PTPRB: variants seen among roughly 807,000 people sequenced by gnomAD.
PTPRB encodes protein tyrosine phosphatase receptor type B.
PTPRB carries 97 observed loss-of-function variants against 238.1 expected under a neutral mutation model. That is an observed-to-expected ratio of 0.41 (90% confidence interval 0.35 to 0.48). PTPRB has a LOEUF of 0.48. PTPRB is among the 20% of genes least tolerant of loss of function. PTPRB has a pLI of 0.30. For synonymous variants in PTPRB, 970 were observed against 995.4 expected (o/e 0.97, Z 0.48); for missense variants, 2,292 against 2,681.9 (o/e 0.85, Z 3.21).
chr12:70,550,664 A>G (rs12311385), intron 21 of PTPRB, among the ~76,000 whole-genome samples: 2,080 of 152,260 alleles, frequency 0.014, 46 homozygotes, highest in African/African-American at 0.048. Context: ...CGCAGTTACT[A>G]TGGGTGCTGG....
At position 70,560,681 on chromosome 12, in the gene PTPRB, C is replaced by G; in HGVS notation, c.4422G>C (p.Glu1474Asp). ...ACCTGGGCTTCTCACCTGTTCTGCT[C>G]TCCGCTGTGACTTTATTGCTGAGAT... is the stretch of plus-strand genomic sequence containing the variant. ...SGDLSNKVTA[E>D]SRTAPSPPSL... Residue 1474 changes from glutamate to aspartate, a missense_variant, in exon 17 of 34, where the codon GAG becomes GAC. By Grantham distance (45) the Glu-to-Asp change is conservative (BLOSUM62 2). This residue lies in a region of PTPRB where 683 missense variants were observed against 862.0 expected (regional missense o/e 0.79). Coordinates refer to ENST00000334414, the MANE Select transcript of PTPRB (RefSeq NM_001109754.4). The surrounding 1 kb of genome is among the most constrained non-coding windows in gnomAD (Gnocchi z 4.2). The G allele has an allele frequency of 6.2e-7, 1 of 1,612,386 alleles. No individual in the cohort carries two copies. Among genetic ancestry groups the G allele is most frequent in the Non-Finnish European group, 8.5e-7 (1 of 1,179,396 alleles).
At chr12:70,586,485 G>A (rs549040612) in intron 9 of PTPRB, among the ~76,000 whole-genome samples, 127 of 152,204 alleles carry the variant, frequency 8.3e-4, no homozygotes, top group African/African-American at 2.7e-3. Context: ...TAATATACCA[G>A]CTGACATTGA....
intron 3 of PTPRB, among the ~76,000 whole-genome samples, chr12:70,614,413 AATGT>A (rs1397537333): frequency 6.6e-6 from 1 of 152,102 alleles, no homozygotes; most frequent in Non-Finnish European, 1.5e-5. Flanking sequence ...ACAATTTTAG[AATGT>A]ATTACTTAAG....
rs751774723 is a variant in PTPRB at position 70,521,006 on chromosome 12, C to T, written c.*483G>A. On this transcript the variant is annotated 3_prime_UTR_variant, in exon 34 of 34. Coordinates refer to ENST00000334414, the MANE Select transcript of PTPRB (RefSeq NM_001109754.4). ...CATTTGTCCTAATAGCAAGTTAGGA[C>T]ATGTCTGTTGGCTCTCGAGATTCAT... 2 of 152,826 alleles carry T rather than the reference C, an allele frequency of 1.3e-5. No homozygotes were observed. Among genetic ancestry groups the T allele is most frequent in the Non-Finnish European group, 2.9e-5 (2 of 68,518 alleles). The allele number at this position is 152,826 out of a possible 1,614,324, so 9.5% of individuals were successfully genotyped here.
intron 32 of PTPRB, among the ~76,000 whole-genome samples, chr12:70,528,631 T>G (rs1872738080): frequency 6.6e-6 from 1 of 152,208 alleles, no homozygotes; most frequent in South Asian, 2.1e-4. Flanking sequence ...CATAGTGAGA[T>G]CTTATCTCCC....
intron 16 of PTPRB, among the ~76,000 whole-genome samples, chr12:70,562,156 T>C (rs1476946443): frequency 6.6e-6 from 1 of 152,078 alleles, no homozygotes; most frequent in Non-Finnish European, 1.5e-5. Context: ...TGGTGTCGTG[T>C]GCCTGTAGTC....
chr12:70,630,412 C>T (rs1885395490), intron 2 of PTPRB, among the ~76,000 whole-genome samples: 1 of 152,142 alleles, frequency 6.6e-6, no homozygotes, highest in Non-Finnish European at 1.5e-5. Flanking sequence ...ATTGATGGAA[C>T]AGATCTCAAA....
Position 70,571,163 on chromosome 12 carries a change from A to G in PTPRB, c.3233T>C (p.Val1078Ala). The change falls in exon 13 of 34, where the codon GTA (valine) becomes GCA (alanine). Residue 1078 changes from valine to alanine, a missense_variant. By Grantham distance (64) the Val-to-Ala change is moderately conservative (BLOSUM62 0). Transcript: ENST00000334414. Reference protein sequence around the residue: ...EIQLLFNDMKVFPPFHLVNTA... With the variant: ...EIQLLFNDMKAFPPFHLVNTA... ...ATTTACAAGGTGAAAAGGAGGAAAT[A>G]CTTTCATGTCATTGAAGAGCAGCTG... 1 of 1,614,020 alleles carries G rather than the reference A, an allele frequency of 6.2e-7. No individual in the cohort carries two copies. Among genetic ancestry groups the G allele is most frequent in the South Asian group, 1.1e-5 (1 of 91,082 alleles).
chr12:70,613,107 G>A (rs1006246474), intron 3 of PTPRB, among the ~76,000 whole-genome samples: 4 of 152,112 alleles, frequency 2.6e-5, no homozygotes, highest in African/African-American at 4.8e-5. Flanking sequence ...TTTGAGAACC[G>A]TTACTTTGGA....
chr12:70,519,487 TG>T lies in PTPRB; in HGVS notation c.*2001del, dbSNP rs1871449141. On this transcript the variant is annotated 3_prime_UTR_variant, in exon 34 of 34. Transcript: ENST00000334414. ...TATGTGAGTAGAAATGTGTAGATTC[TG>T]GAACAGTGCCTAGCAGGTTGCAGAT... 1 of 151,560 alleles carries T rather than the reference TG, an allele frequency of 6.6e-6. No homozygotes were observed. The highest frequency in any genetic ancestry group is 6.6e-5 in the Admixed American group (1 of 15,228). The allele number at this position is 151,560 out of a possible 1,614,324, so 9.4% of individuals were successfully genotyped here.
chr12:70,530,458 C>T (rs1249669069), intron 32 of PTPRB, among the ~76,000 whole-genome samples: 1 of 149,794 alleles, frequency 6.7e-6, no homozygotes, highest in Non-Finnish European at 1.5e-5. Flanking sequence ...CACATATACA[C>T]ATGTACACAT....
chr12:70,577,186 T>C (rs1487298156), intron 10 of PTPRB, among the ~76,000 whole-genome samples: 1 of 152,150 alleles, frequency 6.6e-6, no homozygotes, highest in African/African-American at 2.4e-5. Context: ...GAGGGACCGT[T>C]TTCCCTTTGC....
Position 70,539,961 on chromosome 12 carries a change from G to A in PTPRB, c.5656C>T (p.His1886Tyr). ...TACCCTTTCTGGCCCAGGTTTAAGT[G>A]GACAGATAATGGTCGATCCCTACGA... ...SIRRDRPLSV[H>Y]LNLGQKGNRK... Residue 1886 changes from histidine to tyrosine, a missense_variant, in exon 24 of 34, where the codon CAC becomes TAC. Physicochemically the swap from His to Tyr is moderately conservative, Grantham distance 83. This residue lies in a region of PTPRB where 397 missense variants were observed against 502.0 expected (regional missense o/e 0.79). Transcript: ENST00000334414. The A allele has an allele frequency of 1.9e-6, 3 of 1,612,214 alleles. No individual in the cohort carries two copies. The highest frequency in any genetic ancestry group is 2.2e-5 in the South Asian group (2 of 91,046).
intron 32 of PTPRB, among the ~76,000 whole-genome samples, chr12:70,525,171 C>CA (rs561339180): frequency 6.6e-6 from 1 of 152,064 alleles, no homozygotes; most frequent in African/African-American, 2.4e-5. Context: ...AAGTGAGACT[C>CA]AAAAGTAACT....
chr12:70,618,823 C>A (rs1021819012), intron 3 of PTPRB, among the ~76,000 whole-genome samples: 2 of 152,168 alleles, frequency 1.3e-5, no homozygotes, highest in African/African-American at 4.8e-5. Context: ...ATCATTCAGG[C>A]ACTACTCTAG....
chr12:70,555,180 A>G lies in PTPRB; in HGVS notation c.5123T>C (p.Val1708Ala), dbSNP rs1877466056. The change falls in exon 20 of 34, where the codon GTG (valine) becomes GCG (alanine). Residue 1708 changes from valine (V) to alanine (A), a missense_variant. Val to Ala is a moderately conservative substitution (Grantham distance 64, BLOSUM62 0). Coordinates refer to ENST00000334414, the MANE Select transcript of PTPRB (RefSeq NM_001109754.4). Reference protein sequence around the residue: ...DTNGAVKYFTVVVREADGSDE... With the variant: ...DTNGAVKYFTAVVREADGSDE... ...CTTACCATCAGCCTCTCTCACCACC[A>G]CTGTGAAGTATTTCACAGCTCCATT... is the stretch of plus-strand genomic sequence containing the variant. 1.2e-6 allele frequency: 2 copies of G among 1,613,794 alleles called. No individual in the cohort carries two copies. The highest frequency in any genetic ancestry group is 1.7e-6 in the Non-Finnish European group (2 of 1,179,796).
In PTPRB at chr12:70,635,919, C is replaced by T. The variant is rs2136619931; in HGVS notation, c.203G>A (p.Cys68Tyr). The change falls in exon 2 of 34, where the codon TGC (cysteine) becomes TAC (tyrosine). Residue 68 changes from cysteine (C) to tyrosine (Y), a missense_variant. Cys to Tyr is a radical substitution (Grantham distance 194). Coordinates refer to ENST00000334414, the MANE Select transcript of PTPRB (RefSeq NM_001109754.4). ...GCGGGAAGAGTTGGAGATGGCCAAGCACAGTGCAGATTTAACATGAAGGAG... is the reference window on the plus strand; with the variant it reads ...GCGGGAAGAGTTGGAGATGGCCAAGTACAGTGCAGATTTAACATGAAGGAG... ...EKLLHVKSAL[C>Y]LAISNSSRGP... The T allele has an allele frequency of 6.2e-7, 1 of 1,613,786 alleles. No homozygotes were observed. The highest frequency in any genetic ancestry group is 8.5e-7 in the Non-Finnish European group (1 of 1,179,846).
chr12:70,537,265 A>C (rs1028201888), intron 28 of PTPRB, among the ~76,000 whole-genome samples: 18 of 125,896 alleles, frequency 1.4e-4, no homozygotes, highest in Admixed American at 1.4e-3. Context: ...ACAGCCTGGC[A>C]GACAGAGCAA....
At chr12:70,534,318 A>G (rs906071738) in intron 31 of PTPRB, among the ~76,000 whole-genome samples, 170 bp downstream of exon 31, 1 of 152,148 alleles carries the variant, frequency 6.6e-6, no homozygotes, top group Non-Finnish European at 1.5e-5. Context: ...AAGAGAAATG[A>G]TGTTGGCAGA....
Sources: gnomAD v4.1 joint callset for allele counts (sites outside exome capture counted in the v4.1 genomes callset) on GRCh38, gnomAD v4.1.1 for gene constraint, gnomAD v4.1.1 regional missense constraint, Gnocchi (gnomAD v3.1) non-coding constraint, MANE v1.5 for transcripts, NCBI Gene and HGNC (gene_info 2026-07-23, HGNC 2026-07-21) for gene names.